The following MAOB variants were observed in gnomAD, a reference collection of about 807,000 sequenced individuals.
MAOB encodes the protein monoamine oxidase B, also known as amine oxidase [flavin-containing] B.
MAOB carries 15 observed loss-of-function variants against 41.9 expected under a neutral mutation model. The ratio of observed to expected loss-of-function variants is 0.36; its 90% confidence interval spans 0.24 to 0.55. The LOEUF is 0.55. Among genes scored for constraint, MAOB ranks in the 20% least tolerant of loss-of-function variants. The pLI is 0.86. For missense variants in MAOB, 345 were observed against 398.7 expected (o/e 0.87, Z 1.15); for synonymous variants, 167 against 144.2 (o/e 1.16, Z -1.13).
rs1284367458 is a variant in MAOB at position 43,791,250 on chromosome X, C to G, written c.928+2169G>C. On this transcript the variant is annotated intron_variant, in intron 8 of 14. Transcript: ENST00000378069. ...AAGAGTAGTTACACAGGAAGAAGCA[C>G]CCTAAGCCAAAATTGTGGCACTTTC... Among the ~76,000 whole-genome samples the G allele has an allele frequency of 2.7e-5, 3 of 111,274 alleles. No individual in the cohort carries two copies. In the Admixed American group the frequency reaches 2.9e-4, roughly 11 times the overall value.
intron 11 of MAOB, 134 bp from the exon 12 acceptor site, chrX:43,775,406 T>G: frequency 1.0e-6 from 1 of 999,994 alleles, no homozygotes; most frequent in Admixed American, 4.6e-5. Flanking sequence ...TATCCTGATG[T>G]TTTTAAAGAT....
At chrX:43,803,426 T>C in intron 3 of MAOB, 22 bp from the exon 4 acceptor site, 1 of 1,162,762 alleles carries the variant, frequency 8.6e-7, no homozygotes, top group East Asian at 3.2e-5. Flanking sequence ...AAGATATTTT[T>C]AAAAGGAAAT....
At chrX:43,839,273 T>A (rs2035105796) in intron 2 of MAOB, among the ~76,000 whole-genome samples, 1 of 111,748 alleles carries the variant, frequency 8.9e-6, no homozygotes, top group Non-Finnish European at 1.9e-5. Flanking sequence ...ATGGCTTGGT[T>A]TTTAGTGCTT....
At chrX:43,775,826 T>C (rs990609658) in intron 11 of MAOB, among the ~76,000 whole-genome samples, 3 of 111,970 alleles carry the variant, frequency 2.7e-5, no homozygotes, top group Non-Finnish European at 5.6e-5. Context: ...ACAGGAAAAA[T>C]TGGCAGAGAT....
chrX:43,829,459 G>A (rs752899522), intron 3 of MAOB, among the ~76,000 whole-genome samples: 6 of 112,203 alleles, frequency 5.3e-5, no homozygotes, highest in African/African-American at 9.7e-5. Context: ...AATTTATTGC[G>A]CAGTGTCTTT....
At chrX:43,843,458 A>G (rs977446684) in intron 2 of MAOB, among the ~76,000 whole-genome samples, 3 of 107,839 alleles carry the variant, frequency 2.8e-5, no homozygotes, top group Non-Finnish European at 3.8e-5. Flanking sequence ...TCCTAACTCT[A>G]TGAGGCCAAA....
intron 3 of MAOB, among the ~76,000 whole-genome samples, chrX:43,814,151 G>T (rs1601998534): frequency 9.0e-6 from 1 of 110,677 alleles, no homozygotes; most frequent in East Asian, 2.9e-4. Context: ...AAACCAGAAG[G>T]GGGCAGCCTT....
At chrX:43,866,932 A>G (rs1209278168) in intron 1 of MAOB, among the ~76,000 whole-genome samples, 2 of 112,178 alleles carry the variant, frequency 1.8e-5, no homozygotes, top group Non-Finnish European at 3.8e-5. Flanking sequence ...AGCTATCCTA[A>G]GAGATGAGGA....
intron 11 of MAOB, 78 bp from the exon 12 acceptor site, chrX:43,775,350 AG>A: frequency 8.8e-7 from 1 of 1,139,758 alleles, no homozygotes; most frequent in Non-Finnish European, 1.2e-6. Flanking sequence ...ACAGTTTAGT[AG>A]GCTTTGTATT....
chrX:43,780,373 T>C lies in MAOB; in HGVS notation c.1048A>G (p.Arg350Gly), dbSNP rs2034314972. ...IMGFILAHKA[R>G]KLARLTKEER... ...TCTTTGGTAAGACGTGCCAGTTTTC[T>C]GGCTTTGTGGGCCAGGATAAATCTA... The change falls in exon 10 of 15, where the codon AGA becomes GGA. Residue 350 changes from arginine to glycine, a missense_variant. Physicochemically the swap from Arg to Gly is moderately radical, Grantham distance 125. Transcript: ENST00000378069. 8 of 1,203,223 alleles carry C rather than the reference T, an allele frequency of 6.6e-6. No individual in the cohort carries two copies. The East Asian group carries it at 2.4e-4, about 36-fold the overall frequency.
intron 8 of MAOB, among the ~76,000 whole-genome samples, chrX:43,792,621 A>G (rs762038676): frequency 1.8e-5 from 2 of 112,170 alleles, no homozygotes; most frequent in African/African-American, 6.5e-5. Context: ...GATAAATGCC[A>G]ATCAAAACCA....
intron 6 of MAOB, among the ~76,000 whole-genome samples, chrX:43,796,610 AG>A (rs1165246804): frequency 1.8e-5 from 2 of 110,815 alleles, no homozygotes; most frequent in Non-Finnish European, 3.8e-5. Flanking sequence ...GAAGAGGAGG[AG>A]GGGGAGAGAG....
At chrX:43,773,740 C>A (rs1040262419) in intron 12 of MAOB, among the ~76,000 whole-genome samples, 1 of 111,781 alleles carries the variant, frequency 8.9e-6, no homozygotes, top group African/African-American at 3.3e-5. Context: ...ACGGGAGTTT[C>A]TTTGCACAAG....
intron 1 of MAOB, among the ~76,000 whole-genome samples, chrX:43,853,396 T>A (rs2035267338): frequency 9.1e-6 from 1 of 109,473 alleles, no homozygotes; most frequent in African/African-American, 3.3e-5. Context: ...ACACCAAAGA[T>A]AGGCCCGGGG....
intron 3 of MAOB, among the ~76,000 whole-genome samples, chrX:43,810,702 A>G (rs12394221): frequency 0.064 from 7,127 of 111,865 alleles, 423 homozygotes; most frequent in African/African-American, 0.18. Context: ...GACTTGAACC[A>G]GCTCTTCAAA....
At chrX:43,824,593 G>A (rs1639533882) in intron 3 of MAOB, among the ~76,000 whole-genome samples, 1 of 111,702 alleles carries the variant, frequency 9.0e-6, no homozygotes, top group South Asian at 3.8e-4. Flanking sequence ...TGAGGCAGGA[G>A]AATTGCTTGA....
chrX:43,848,458 G>A (rs1044053073), intron 1 of MAOB, among the ~76,000 whole-genome samples: 4 of 111,645 alleles, frequency 3.6e-5, no homozygotes, highest in African/African-American at 1.3e-4. Context: ...ATACCTCAAA[G>A]AATCCCTATT....
intron 8 of MAOB, among the ~76,000 whole-genome samples, chrX:43,792,336 C>A (rs148056122): frequency 8.9e-6 from 1 of 111,777 alleles, no homozygotes; most frequent in African/African-American, 3.2e-5. Context: ...ACAAAAATTG[C>A]CAGGTAGGAC....
At chrX:43,783,693 G>T (rs2034364582) in intron 8 of MAOB, among the ~76,000 whole-genome samples, 1 of 112,068 alleles carries the variant, frequency 8.9e-6, no homozygotes. Flanking sequence ...GATGGCTGCT[G>T]ACTGATCAGG....
Sources: gnomAD v4.1 joint callset for allele counts (sites outside exome capture counted in the v4.1 genomes callset) on GRCh38, gnomAD v4.1.1 for gene constraint, MANE v1.5 for transcripts, NCBI Gene and HGNC (gene_info 2026-07-23, HGNC 2026-07-21) for gene names.